PCDHGC3: variants seen among roughly 807,000 people sequenced by gnomAD.
PCDHGC3 encodes protocadherin gamma subfamily C, 3, also known as protocadherin gamma-C3.
A neutral mutation model predicts 59.2 loss-of-function variants in PCDHGC3; 26 were observed. The ratio of observed to expected loss-of-function variants is 0.44; its 90% CI spans 0.32 to 0.61. The LOEUF is 0.61. PCDHGC3 is among the 20% of genes least tolerant of loss of function. The pLI, the probability that PCDHGC3 is intolerant of heterozygous loss-of-function variation, is 0.05. For missense variants in PCDHGC3, 1,080 were observed against 1,221.8 expected, an observed-to-expected ratio of 0.88 and a Z score of 1.73; for synonymous variants, 487 against 519.7, an observed-to-expected ratio of 0.94 and a Z score of 0.86.
intron 1 of PCDHGC3, among the ~76,000 whole-genome samples, chr5:141,492,574 G>T (rs2099742096): frequency 6.6e-6 from 1 of 152,232 alleles, no homozygotes; most frequent in Non-Finnish European, 1.5e-5. Flanking sequence ...TGAGCGAGGC[G>T]CGGGGCCAGG....
rs753051237 is a variant in PCDHGC3, at chr5:141,490,422, A to G, written c.2431-4385A>G. On this transcript the variant is annotated intron_variant, in intron 1 of 3. Coordinates refer to ENST00000308177, the MANE Select transcript of PCDHGC3 (RefSeq NM_002588.4). This position sits in a 1 kb window ranked among gnomAD's most constrained non-coding sequence, Gnocchi z 5.4. Reference sequence around the variant, plus strand: ...GCCTTGATATCTCTCCGGACCTGCCATTTCAGATTAAGCCTTCTGAGAACC... The same window carrying G: ...GCCTTGATATCTCTCCGGACCTGCCGTTTCAGATTAAGCCTTCTGAGAACC... 1 of 1,614,178 alleles carries G rather than the reference A, an allele frequency of 6.2e-7. No individual in the cohort carries two copies. The highest frequency in any genetic ancestry group is 1.7e-5 in the Admixed American group (1 of 60,030).
At position 141,512,116 on chromosome 5, in the gene PCDHGC3, T is replaced by TTA. The variant is rs2099884085; in HGVS notation, c.*943_*944insTA. On this transcript the variant is annotated 3_prime_UTR_variant, in exon 4 of 4. Coordinates refer to ENST00000308177, the MANE Select transcript of PCDHGC3 (RefSeq NM_002588.4). ...ACTAGGCTGGACCCTTCCCACTACA[T>TTA]AATAGGGCTCAGCCCAGGCAGCCAG... 1 of 152,600 alleles carries TTA rather than the reference T, an allele frequency of 6.6e-6. No homozygotes were observed. The highest frequency in any genetic ancestry group is 2.1e-4 in the South Asian group (1 of 4,832). 9.5% of individuals were successfully genotyped at this position (152,600 alleles called of 1,614,324 possible).
In PCDHGC3 at chr5:141,476,533, A is replaced by G; in HGVS notation, c.417A>G (p.Glu139=). 6.2e-7 allele frequency: 1 copy of G among 1,614,184 alleles called. No individual in the cohort carries two copies. Among genetic ancestry groups the G allele is most frequent in the Non-Finnish European group, 8.5e-7 (1 of 1,180,022 alleles). The change falls in exon 1 of 4, where the codon GAA becomes GAG. Residue 139 remains glutamate, a synonymous_variant. Transcript: ENST00000308177. The surrounding 1 kb of genome is among the most constrained non-coding windows in gnomAD (Gnocchi z 7.6). ...ACAATCCTGCTTTCCCTACCCAGGA[A>G]ATGAAATTGGAGATTAGCGAGGCCG... ...NDNNPAFPTQ[E]MKLEISEAVA...
Position 141,487,548 on chromosome 5 carries a change from G to T in PCDHGC3, c.2431-7259G>T. The T allele has an allele frequency of 6.2e-7, 1 of 1,614,190 alleles. No homozygotes were observed. Among genetic ancestry groups the T allele is most frequent in the Non-Finnish European group, 8.5e-7 (1 of 1,180,038 alleles). ...AGCTTCATGATGGTGAAGTCACCCA[G>T]TGCACCTATGGCAGGGGAGCCTGTT... is the stretch of plus-strand genomic sequence containing the variant. On this transcript the variant is annotated intron_variant, in intron 1 of 3. Coordinates refer to ENST00000308177, the MANE Select transcript of PCDHGC3 (RefSeq NM_002588.4). The surrounding 1 kb of genome is among the most constrained non-coding windows in gnomAD (Gnocchi z 5.0).
intron 1 of PCDHGC3, among the ~76,000 whole-genome samples, chr5:141,494,146 T>C (rs1167835696): frequency 1.3e-5 from 2 of 152,168 alleles, no homozygotes; most frequent in Non-Finnish European, 2.9e-5. Context: ...TCACAGACCA[T>C]TGTCTGGCAC....
chr5:141,494,948 G>C (rs909146), intron 2 of PCDHGC3, 83 bp downstream of exon 2: 1 of 1,608,226 alleles, frequency 6.2e-7, no homozygotes, highest in South Asian at 1.1e-5. Flanking sequence ...GGAGGGCCCA[G>C]CATTTGCTAC....
rs1481706003 is a variant in PCDHGC3, at chr5:141,491,416, G to A, written c.2431-3391G>A. On this transcript the variant is annotated intron_variant, in intron 1 of 3. Transcript: ENST00000308177. This position sits in a 1 kb window ranked among gnomAD's most constrained non-coding sequence, Gnocchi z 6.9. ...TCAGGGAAACGCAGACGGGGACGGG[G>A]GTGGAGGGCAGTGCTGCAGGCGCCA... 3 of 1,614,138 alleles carry A rather than the reference G, an allele frequency of 1.9e-6. No homozygotes were observed. The highest frequency in any genetic ancestry group is 2.2e-5 in the East Asian group (1 of 44,874).
At chr5:141,484,863 G>T (rs561595169) in intron 1 of PCDHGC3, 136 of 273,782 alleles carry the variant, frequency 5.0e-4, no homozygotes, top group African/African-American at 2.8e-3. Context: ...GGGGGTGGGG[G>T]AGCGTGGAGG....
chr5:141,486,371 G>T lies in PCDHGC3; in HGVS notation c.2430+7825G>T. 1.9e-6 allele frequency: 3 copies of T among 1,614,138 alleles called. No homozygotes were observed. The highest frequency in any genetic ancestry group is 2.5e-6 in the Non-Finnish European group (3 of 1,180,010). On this transcript the variant is annotated intron_variant, in intron 1 of 3. Coordinates refer to ENST00000308177, the MANE Select transcript of PCDHGC3 (RefSeq NM_002588.4). The surrounding 1 kb of genome is among the most constrained non-coding windows in gnomAD (Gnocchi z 5.0). ...CCACTTGCCATTTGCCCTCAAGTCT[G>T]CCTTCAGGAACCAGTTCTCCCTGGT...
rs925034052 is a variant in PCDHGC3, at chr5:141,486,630, T to G, written c.2430+8084T>G. 2 of 1,613,690 alleles carry G rather than the reference T, an allele frequency of 1.2e-6. No individual in the cohort carries two copies. Among genetic ancestry groups the G allele is most frequent in the Non-Finnish European group, 1.7e-6 (2 of 1,180,028 alleles). ...GCAGCCTCTGACCCAGACTCTGGCTTGAATGCGCTTATCTCCTACTCACTC... is the reference window on the plus strand; with the variant it reads ...GCAGCCTCTGACCCAGACTCTGGCTGGAATGCGCTTATCTCCTACTCACTC... On this transcript the variant is annotated intron_variant, in intron 1 of 3. Coordinates refer to ENST00000308177, the MANE Select transcript of PCDHGC3 (RefSeq NM_002588.4). This position sits in a 1 kb window ranked among gnomAD's most constrained non-coding sequence, Gnocchi z 5.0.
Position 141,512,594 on chromosome 5 carries a change from G to C in PCDHGC3, c.*1421G>C, listed in dbSNP as rs981124898. On this transcript the variant is annotated 3_prime_UTR_variant, in exon 4 of 4. Transcript: ENST00000308177. ...CACCCCCTTCTGCCCCTGGGTCCCC[G>C]GCCATCCAGCGGGGCTGCCAGAGAA... 1 of 152,812 alleles carries C rather than the reference G, an allele frequency of 6.5e-6. No homozygotes were observed. The highest frequency in any genetic ancestry group is 6.5e-5 in the Admixed American group (1 of 15,280). The allele number at this position is 152,812 out of a possible 1,614,324, so 9.5% of individuals were successfully genotyped here. A position where few individuals can be genotyped will look rare whatever the true frequency, so the allele number is the denominator to read the frequency against.
Position 141,476,755 on chromosome 5 carries a change from G to A in PCDHGC3, c.639G>A (p.Val213=), listed in dbSNP as rs1307512875. The stretch of plus-strand genomic sequence containing the variant: ...AACGGGAGCCTAGTCTCCAGTTAGT[G>A]CTGACGGCGTTGGACGGAGGGACCC... The part of the protein sequence containing the change: ...DREREPSLQL[V]LTALDGGTPA... Residue 213 remains valine (V), a synonymous_variant, in exon 1 of 4, where the codon GTG becomes GTA. Coordinates refer to ENST00000308177, the MANE Select transcript of PCDHGC3 (RefSeq NM_002588.4). This position sits in a 1 kb window ranked among gnomAD's most constrained non-coding sequence, Gnocchi z 7.6. 1.2e-6 allele frequency: 2 copies of A among 1,613,828 alleles called. No homozygotes were observed. Among genetic ancestry groups the A allele is most frequent in the Non-Finnish European group, 1.7e-6 (2 of 1,180,036 alleles).
intron 2 of PCDHGC3, among the ~76,000 whole-genome samples, chr5:141,503,292 A>G (rs7710319): frequency 6.6e-6 from 1 of 151,928 alleles, no homozygotes; most frequent in African/African-American, 2.4e-5. Flanking sequence ...TGGTACATAG[A>G]AATTGCTCAA....
At chr5:141,504,240 G>A (rs1275204117) in intron 2 of PCDHGC3, among the ~76,000 whole-genome samples, 1 of 152,182 alleles carries the variant, frequency 6.6e-6, no homozygotes, top group Non-Finnish European at 1.5e-5. Context: ...AAGAAGCAGA[G>A]AGTTCTTCTT....
rs2099735810 is a variant in PCDHGC3 at position 141,491,979 on chromosome 5, G to A, written c.2431-2828G>A. On this transcript the variant is annotated intron_variant, in intron 1 of 3. Transcript: ENST00000308177. This position sits in a 1 kb window ranked among gnomAD's most constrained non-coding sequence, Gnocchi z 6.9. ...CAAAAAAGGCCGGGGCCTCCTTCGA[G>A]CTTCCGGTGAATTTCGGGCGATTTC... 6.4e-6 allele frequency: 5 copies of A among 787,296 alleles called. No homozygotes were observed. Among genetic ancestry groups the A allele is most frequent in the Non-Finnish European group, 9.4e-6 (5 of 533,208 alleles). 48.8% of individuals were successfully genotyped at this position (787,296 alleles called of 1,614,324 possible).
Position 141,477,143 on chromosome 5 carries a change from G to A in PCDHGC3, c.1027G>A (p.Val343Met). ...GAHCKVLVEV[V>M]DVNDNAPEIT... Reference sequence around the variant, plus strand: ...ACATTGCAAAGTGTTGGTGGAGGTTGTGGATGTGAATGACAACGCCCCGGA... The same window carrying A: ...ACATTGCAAAGTGTTGGTGGAGGTTATGGATGTGAATGACAACGCCCCGGA... The change falls in exon 1 of 4, where the codon GTG becomes ATG. Residue 343 changes from valine (V) to methionine (M), a missense_variant. Physicochemically the swap from Val to Met is conservative, Grantham distance 21 (BLOSUM62 1). Transcript: ENST00000308177. This position sits in a 1 kb window ranked among gnomAD's most constrained non-coding sequence, Gnocchi z 4.9. 6.2e-7 allele frequency: 1 copy of A among 1,614,198 alleles called. No individual in the cohort carries two copies. Among genetic ancestry groups the A allele is most frequent in the Non-Finnish European group, 8.5e-7 (1 of 1,180,036 alleles).
At position 141,476,172 on chromosome 5, in the gene PCDHGC3, T is replaced by C; in HGVS notation, c.56T>C (p.Val19Ala). 6.2e-7 allele frequency: 1 copy of C among 1,612,930 alleles called. No individual in the cohort carries two copies. The highest frequency in any genetic ancestry group is 1.1e-5 in the South Asian group (1 of 91,026). Residue 19 changes from valine (V) to alanine (A), a missense_variant, in exon 1 of 4, where the codon GTT becomes GCT. Coordinates refer to ENST00000308177, the MANE Select transcript of PCDHGC3 (RefSeq NM_002588.4). This position sits in a 1 kb window ranked among gnomAD's most constrained non-coding sequence, Gnocchi z 7.6. ...GLVSTGRVVG[V>A]LLLLGALNKA... is the part of the protein sequence containing the mutation. ...GTAAGCACCGGGAGGGTAGTGGGAG[T>C]TTTGCTTCTGCTTGGTGCCTTGAAC...
intron 2 of PCDHGC3, among the ~76,000 whole-genome samples, chr5:141,499,182 C>T (rs980293990): frequency 5.3e-5 from 8 of 152,114 alleles, no homozygotes; most frequent in African/African-American, 1.7e-4. Flanking sequence ...GCCCAGCAAA[C>T]CATTTCCCCC....
At position 141,486,881 on chromosome 5, in the gene PCDHGC3, G is replaced by T. The variant is rs114512641; in HGVS notation, c.2431-7926G>T. The T allele has an allele frequency of 1.3e-5, 21 of 1,614,090 alleles. No homozygotes were observed. The East Asian group carries it at 4.7e-4, about 36-fold the overall frequency. ...TGCTCCAGCTGTGCTCCGTCCTCGG[G>T]CCCGGCCTGGTTCCTTATGTCCCCA... is the stretch of plus-strand genomic sequence containing the variant. On this transcript the variant is annotated intron_variant, in intron 1 of 3. Coordinates refer to ENST00000308177, the MANE Select transcript of PCDHGC3 (RefSeq NM_002588.4). This position sits in a 1 kb window ranked among gnomAD's most constrained non-coding sequence, Gnocchi z 5.0.
Sources: gnomAD v4.1 joint callset for allele counts (sites outside exome capture counted in the v4.1 genomes callset) on GRCh38, gnomAD v4.1.1 for gene constraint, Gnocchi (gnomAD v3.1) non-coding constraint, MANE v1.5 for transcripts, NCBI Gene and HGNC (gene_info 2026-07-23, HGNC 2026-07-21) for gene names.